The following PTPRM variants were observed in gnomAD, a reference collection of about 807,000 sequenced individuals.
The protein encoded by PTPRM is protein tyrosine phosphatase receptor type M.
In PTPRM, 47 loss-of-function variants were observed where a neutral mutation model predicts 186.7. That is an observed-to-expected ratio of 0.25 (90% confidence interval 0.20 to 0.32). PTPRM has a LOEUF of 0.32. Among genes scored for constraint, PTPRM ranks in the 10% least tolerant of loss-of-function variants. The pLI, the probability that PTPRM is intolerant of heterozygous loss-of-function variation, is 1.00. For missense variants in PTPRM, 1,494 were observed against 1,865.0 expected (o/e 0.80, Z 3.66); for synonymous variants, 668 against 674.9 (o/e 0.99, Z 0.16).
intron 6 of PTPRM, among the ~76,000 whole-genome samples, chr18:7,950,540 G>T (rs1044859598): frequency 1.3e-5 from 2 of 152,208 alleles, no homozygotes; most frequent in African/African-American, 4.8e-5. Flanking sequence ...CCAGTGGCTT[G>T]CCCTGTATGT....
intron 2 of PTPRM, among the ~76,000 whole-genome samples, chr18:7,777,875 G>A (rs1013744760): frequency 6.6e-6 from 1 of 152,120 alleles, no homozygotes; most frequent in Non-Finnish European, 1.5e-5. Flanking sequence ...AGGGCTGGGT[G>A]CGGTGGCTCA....
chr18:8,359,715 G>A (rs192210804), intron 23 of PTPRM, among the ~76,000 whole-genome samples: 126 of 152,360 alleles, frequency 8.3e-4, no homozygotes, highest in African/African-American at 3.0e-3. Flanking sequence ...CGGTTTTACA[G>A]TGTGGTTCCA....
At chr18:7,671,761 T>G (rs8091470) in intron 1 of PTPRM, among the ~76,000 whole-genome samples, 4,665 of 152,190 alleles carry the variant, frequency 0.031, 241 homozygotes, top group African/African-American at 0.11. Context: ...GTTTTTAAAT[T>G]AAAAAAATAA....
At chr18:8,179,529 G>GTGAAATCTCAGCTCAC (rs1436856438) in intron 14 of PTPRM, among the ~76,000 whole-genome samples, 2 of 150,004 alleles carry the variant, frequency 1.3e-5, no homozygotes, top group Non-Finnish European at 3.0e-5. Flanking sequence ...GAGTGTAGTG[G>GTGAAATCTCAGCTCAC]TGCAATCTCA....
chr18:8,324,954 A>G (rs1403539675), intron 22 of PTPRM, among the ~76,000 whole-genome samples: 10 of 152,212 alleles, frequency 6.6e-5, no homozygotes, highest in Admixed American at 4.6e-4. Context: ...AGCAAATGCC[A>G]TGTATGCGTG....
chr18:7,906,651 G>A, intron 4 of PTPRM, 68 bp downstream of exon 4: 1 of 1,278,002 alleles, frequency 7.8e-7, no homozygotes, highest in Non-Finnish European at 1.1e-6. Flanking sequence ...TGAATGAAGA[G>A]AAGGGATGAA....
At chr18:8,387,331 G>A in intron 31 of PTPRM, 96 bp downstream of exon 31, 1 of 1,291,216 alleles carries the variant, frequency 7.7e-7, no homozygotes, top group Non-Finnish European at 1.1e-6. Context: ...TAGAAATGGA[G>A]AAGAAATAAG....
At chr18:8,398,942 C>A (rs2095858166) in intron 32 of PTPRM, among the ~76,000 whole-genome samples, 1 of 152,030 alleles carries the variant, frequency 6.6e-6, no homozygotes, top group African/African-American at 2.4e-5. Flanking sequence ...GGGTTTCTTT[C>A]TGAGGTGATG....
chr18:7,854,738 T>G (rs1382650233), intron 2 of PTPRM, among the ~76,000 whole-genome samples: 8 of 151,910 alleles, frequency 5.3e-5, no homozygotes, highest in Non-Finnish European at 1.0e-4. Context: ...GGAGTTTTTT[T>G]TTTTTTTTTT....
chr18:8,151,519 C>CTA (rs962423584), intron 14 of PTPRM, among the ~76,000 whole-genome samples: 65 of 136,626 alleles, frequency 4.8e-4, no homozygotes, highest in South Asian at 3.2e-3. Context: ...AGGTCAATCT[C>CTA]AGACTACTGC....
At chr18:7,841,234 C>A (rs969115668) in intron 2 of PTPRM, among the ~76,000 whole-genome samples, 2 of 143,232 alleles carry the variant, frequency 1.4e-5, no homozygotes, top group African/African-American at 5.2e-5. Context: ...AGTTGTATTT[C>A]TAACTTCAGG....
chr18:8,244,989 A>T (rs1300643610), intron 15 of PTPRM, among the ~76,000 whole-genome samples: 1 of 152,136 alleles, frequency 6.6e-6, no homozygotes, highest in Non-Finnish European at 1.5e-5. Context: ...CAGCATGGGG[A>T]TGGAATTAAA....
At chr18:8,261,990 G>A (rs1174148222) in intron 19 of PTPRM, among the ~76,000 whole-genome samples, 2 of 151,566 alleles carry the variant, frequency 1.3e-5, no homozygotes, top group Non-Finnish European at 2.9e-5. Context: ...CCGTGTGCCA[G>A]CATCTGCGGA....
At chr18:8,070,042 A>C (rs2089363915) in intron 8 of PTPRM, 48 bp downstream of exon 8, 1 of 1,522,172 alleles carries the variant, frequency 6.6e-7, no homozygotes, top group Non-Finnish European at 8.9e-7. Context: ...TTCTTTCAAA[A>C]AACAACTTTT....
At chr18:7,636,656 A>G (rs1453031303) in intron 1 of PTPRM, among the ~76,000 whole-genome samples, 2 of 152,140 alleles carry the variant, frequency 1.3e-5, no homozygotes, top group South Asian at 2.1e-4. Context: ...CGCGTGCTAC[A>G]CAGTAAAGGA....
At chr18:8,364,414 A>G (rs994893839) in intron 23 of PTPRM, among the ~76,000 whole-genome samples, 1 of 152,228 alleles carries the variant, frequency 6.6e-6, no homozygotes, top group Non-Finnish European at 1.5e-5. Flanking sequence ...ATCCATGTGC[A>G]TCTTACTCCA....
At chr18:8,271,895 GT>G (rs1225211557) in intron 19 of PTPRM, among the ~76,000 whole-genome samples, 1 of 151,912 alleles carries the variant, frequency 6.6e-6, no homozygotes, top group African/African-American at 2.4e-5. Context: ...ACGTTTGTCA[GT>G]TTTATTAATC....
intron 2 of PTPRM, among the ~76,000 whole-genome samples, chr18:7,828,690 A>G (rs941906436): frequency 9.9e-5 from 15 of 152,198 alleles, no homozygotes; most frequent in Non-Finnish European, 2.1e-4. Context: ...GATGAAAAGT[A>G]GGAAAGAACT....
chr18:7,886,636 G>C (rs1172553817), intron 2 of PTPRM, among the ~76,000 whole-genome samples: 1 of 152,136 alleles, frequency 6.6e-6, no homozygotes, highest in African/African-American at 2.4e-5. Context: ...TAATGGGCTG[G>C]AAACTCAGAA....
Sources: gnomAD v4.1 joint callset for allele counts (sites outside exome capture counted in the v4.1 genomes callset) on GRCh38, gnomAD v4.1.1 for gene constraint, MANE v1.5 for transcripts, NCBI Gene and HGNC (gene_info 2026-07-23, HGNC 2026-07-21) for gene names.